Variants in CCDC178 observed in about 807,000 individuals in gnomAD.
CCDC178 encodes the protein coiled-coil domain containing 178.
Under a neutral mutation model 117.4 loss-of-function variants are expected in CCDC178, and 126 were observed. The ratio of observed to expected loss-of-function variants is 1.07; its 90% CI spans 0.93 to 1.24. The LOEUF is 1.24. CCDC178 is among the 50% of genes most tolerant of loss of function. The probability of loss-of-function intolerance (pLI) is 0.00; values close to 1 mark genes in which losing one functional copy is unlikely to be tolerated. For synonymous variants in CCDC178, 283 were observed against 313.4 expected (o/e 0.90, Z 1.02); for missense variants, 1,030 against 986.9 (o/e 1.04, Z -0.59).
At chr18:33,321,112 T>C (rs1030426617) in intron 11 of CCDC178, among the ~76,000 whole-genome samples, 10 of 152,196 alleles carry the variant, frequency 6.6e-5, no homozygotes, top group African/African-American at 2.4e-4. Context: ...ATGACTTAAA[T>C]GTTAGACCTA....
At chr18:33,152,190 C>G (rs2058348966) in intron 20 of CCDC178, among the ~76,000 whole-genome samples, 1 of 151,942 alleles carries the variant, frequency 6.6e-6, no homozygotes, top group Non-Finnish European at 1.5e-5. Flanking sequence ...TTTTTAGTGG[C>G]TAGGCGACAA....
At chr18:33,328,396 T>C (rs1394332767) in intron 10 of CCDC178, among the ~76,000 whole-genome samples, 1 of 152,172 alleles carries the variant, frequency 6.6e-6, no homozygotes, top group Admixed American at 6.5e-5. Context: ...CCACTGCACC[T>C]GGCTATCCAT....
chr18:33,346,612 A>C (rs1052745046), intron 8 of CCDC178, among the ~76,000 whole-genome samples: 6 of 152,098 alleles, frequency 3.9e-5, no homozygotes, highest in Non-Finnish European at 8.8e-5. Context: ...ATTTTTAATA[A>C]ACATTTTATA....
chr18:33,320,950 C>T (rs1269565419), intron 11 of CCDC178, among the ~76,000 whole-genome samples: 1 of 152,016 alleles, frequency 6.6e-6, no homozygotes, highest in Non-Finnish European at 1.5e-5. Context: ...TCTACAACCA[C>T]CTGACCTTTG....
intron 5 of CCDC178, among the ~76,000 whole-genome samples, chr18:33,378,930 T>A (rs1034919649): frequency 2.0e-5 from 3 of 151,832 alleles, no homozygotes; most frequent in African/African-American, 7.3e-5. Context: ...GGTTTTGGTA[T>A]CAGGGTGATG....
chr18:33,304,706 CCAAGATGGT>C (rs999053592), intron 11 of CCDC178, among the ~76,000 whole-genome samples: 10 of 152,060 alleles, frequency 6.6e-5, no homozygotes, highest in African/African-American at 2.4e-4. Context: ...CTAGTTAGAA[CCAAGATGGT>C]CAACTGGACT....
chr18:33,334,513 T>C (rs1461078226), intron 9 of CCDC178, among the ~76,000 whole-genome samples: 1 of 152,092 alleles, frequency 6.6e-6, no homozygotes, highest in Non-Finnish European at 1.5e-5. Flanking sequence ...ATTAACTGAA[T>C]CTTGCATTCT....
intron 22 of CCDC178, among the ~76,000 whole-genome samples, chr18:32,948,521 C>T (rs1484576149): frequency 1.3e-5 from 2 of 152,036 alleles, no homozygotes; most frequent in Non-Finnish European, 2.9e-5. Context: ...ACTAAGCTCA[C>T]TTGTTAGCTT....
At chr18:33,428,096 T>C (rs965943479) in intron 2 of CCDC178, among the ~76,000 whole-genome samples, 6 of 152,234 alleles carry the variant, frequency 3.9e-5, no homozygotes, top group South Asian at 2.1e-4. Context: ...TGTTTTATTA[T>C]GACATAGCTT....
At chr18:33,243,905 T>C (rs2144685999) in intron 15 of CCDC178, among the ~76,000 whole-genome samples, 1 of 152,038 alleles carries the variant, frequency 6.6e-6, no homozygotes, top group South Asian at 2.1e-4. Flanking sequence ...AATACAGAAA[T>C]ATATTGATAT....
intron 22 of CCDC178, among the ~76,000 whole-genome samples, chr18:32,953,237 C>G (rs1424592131): frequency 1.3e-5 from 2 of 152,216 alleles, no homozygotes; most frequent in Non-Finnish European, 2.9e-5. Flanking sequence ...CAAGAGCGAC[C>G]TTTGCACTAG....
rs2059215440 is a variant in CCDC178, at chr18:33,220,279, A to T, written c.1932+2827T>A. Among the ~76,000 whole-genome samples, 6 of 152,194 alleles carry T rather than the reference A, an allele frequency of 3.9e-5. No individual in the cohort carries two copies. In the South Asian group the frequency reaches 1.0e-3, roughly 26 times the overall value. On this transcript the variant is annotated intron_variant, in intron 18 of 22. Transcript: ENST00000383096. ...CACCGATTACTGTACTATGCATTGT[A>T]TTTGAACTGTGCCTTTTATGACTCA...
intron 20 of CCDC178, among the ~76,000 whole-genome samples, chr18:33,167,483 T>C (rs1163690364): frequency 6.6e-6 from 1 of 152,180 alleles, no homozygotes; most frequent in Non-Finnish European, 1.5e-5. Context: ...TATTTCATTG[T>C]GGTTTTGATT....
intron 21 of CCDC178, among the ~76,000 whole-genome samples, chr18:33,014,784 T>C (rs1384891112): frequency 2.0e-5 from 3 of 152,144 alleles, no homozygotes; most frequent in Non-Finnish European, 4.4e-5. Flanking sequence ...ACAGACTTTA[T>C]AGAATTGGTC....
chr18:33,261,213 A>T (rs1254875348), intron 14 of CCDC178, among the ~76,000 whole-genome samples: 1 of 152,148 alleles, frequency 6.6e-6, no homozygotes, highest in Non-Finnish European at 1.5e-5. Context: ...CCTCCTAAGT[A>T]GCTGGGGCTA....
chr18:33,356,925 G>A (rs965514112), intron 6 of CCDC178, among the ~76,000 whole-genome samples: 1 of 151,702 alleles, frequency 6.6e-6, no homozygotes, highest in African/African-American at 2.4e-5. Context: ...CACTTTCAAG[G>A]TCTGATAAGA....
At chr18:33,021,633 A>C (rs778813199) in intron 21 of CCDC178, among the ~76,000 whole-genome samples, 13 of 152,210 alleles carry the variant, frequency 8.5e-5, no homozygotes, top group South Asian at 6.2e-4. Context: ...TTCTTGATCC[A>C]AGTTTCTTGA....
At chr18:33,226,159 CA>C (rs1251340496) in intron 16 of CCDC178, among the ~76,000 whole-genome samples, 1 of 151,890 alleles carries the variant, frequency 6.6e-6, no homozygotes, top group African/African-American at 2.4e-5. Context: ...GACTCTTTCT[CA>C]AAAAAACAAA....
intron 21 of CCDC178, among the ~76,000 whole-genome samples, chr18:32,988,220 G>A (rs1033031749): frequency 1.3e-5 from 2 of 151,970 alleles, no homozygotes; most frequent in Non-Finnish European, 2.9e-5. Context: ...TCATCTGACT[G>A]AGGTCAGGGG....
Sources: allele counts gnomAD v4.1 joint callset (sites outside exome capture counted in the v4.1 genomes callset), GRCh38; gene constraint gnomAD v4.1.1; transcripts MANE v1.5; gene names NCBI Gene and HGNC (gene_info 2026-07-23, HGNC 2026-07-21).